The following PACRG variants were observed in gnomAD, a reference collection of about 807,000 sequenced individuals.
PACRG encodes the protein parkin coregulated gene protein.
A neutral mutation model predicts 29.7 loss-of-function variants in PACRG; 29 were observed. The ratio of observed to expected loss-of-function variants is 0.98; its 90% CI spans 0.73 to 1.33. PACRG has a LOEUF of 1.33. Ranked by LOEUF, PACRG falls within the 40% of genes most tolerant of loss-of-function variation. PACRG has a pLI of 0.00. For missense variants in PACRG, 279 were observed against 316.2 expected, an observed-to-expected ratio of 0.88 and a Z score of 0.89; for synonymous variants, 116 against 118.7, an observed-to-expected ratio of 0.98 and a Z score of 0.15.
intron 2 of PACRG, among the ~76,000 whole-genome samples, chr6:162,936,640 A>G (rs570693521): frequency 1.3e-5 from 2 of 152,260 alleles, no homozygotes; most frequent in South Asian, 2.1e-4. Context: ...TGTTTCCATT[A>G]TAATTTTATA....
chr6:162,749,376 T>C (rs925368499), intron 1 of PACRG, among the ~76,000 whole-genome samples: 1 of 152,206 alleles, frequency 6.6e-6, no homozygotes, highest in African/African-American at 2.4e-5. Flanking sequence ...AAGTTATTAA[T>C]GGCAATAACA....
At chr6:162,999,562 A>T (rs1804396239) in intron 2 of PACRG, among the ~76,000 whole-genome samples, 1 of 152,242 alleles carries the variant, frequency 6.6e-6, no homozygotes, top group Non-Finnish European at 1.5e-5. Flanking sequence ...ACACACAAAA[A>T]ATTCAGAAAC....
chr6:163,093,595 G>A (rs966209264), intron 4 of PACRG, among the ~76,000 whole-genome samples: 3 of 152,142 alleles, frequency 2.0e-5, no homozygotes, highest in Admixed American at 2.0e-4. Context: ...AGGGCTCTCC[G>A]ACAGGCCTGT....
At chr6:162,785,462 G>A (rs1362561844) in intron 1 of PACRG, among the ~76,000 whole-genome samples, 1 of 152,044 alleles carries the variant, frequency 6.6e-6, no homozygotes, top group Admixed American at 6.6e-5. Context: ...CAACTCCCAA[G>A]GGCCTGCACA....
chr6:162,889,303 C>T (rs1246845640), intron 2 of PACRG, among the ~76,000 whole-genome samples: 1 of 152,094 alleles, frequency 6.6e-6, no homozygotes, highest in East Asian at 1.9e-4. Context: ...TCTTTGAATG[C>T]CTCTTGCCAC....
intron 3 of PACRG, among the ~76,000 whole-genome samples, chr6:163,072,617 A>G (rs937307023): frequency 1.3e-5 from 2 of 152,130 alleles, no homozygotes; most frequent in African/African-American, 4.8e-5. Context: ...GGGCAATCAG[A>G]CAAGAGAAAG....
intron 2 of PACRG, among the ~76,000 whole-genome samples, chr6:162,825,934 T>C (rs1246988117): frequency 7.9e-6 from 1 of 125,970 alleles, no homozygotes; most frequent in East Asian, 2.1e-4. Context: ...TATGCATTTA[T>C]TTATTTTATT....
intron 2 of PACRG, among the ~76,000 whole-genome samples, chr6:162,967,602 T>A (rs7739647): frequency 6.6e-6 from 1 of 151,202 alleles, no homozygotes; most frequent in Non-Finnish European, 1.5e-5. Context: ...CGCCTCCCGG[T>A]TTCACGCCAT....
chr6:163,137,069 C>T (rs190543245), intron 4 of PACRG, among the ~76,000 whole-genome samples: 4 of 152,226 alleles, frequency 2.6e-5, no homozygotes, highest in Admixed American at 2.0e-4. Flanking sequence ...AAAATAAGCA[C>T]AGAGATTTTG....
At chr6:162,727,573 G>T (rs550065161), upstream of PACRG, 10 of 1,364,652 alleles carry the variant, frequency 7.3e-6, no homozygotes, top group South Asian at 1.2e-5. Context: ...AGTTGGCACC[G>T]GGGGTCCTGG....
chr6:162,869,739 A>G (rs1228551013), intron 2 of PACRG, among the ~76,000 whole-genome samples: 2 of 152,220 alleles, frequency 1.3e-5, no homozygotes, highest in Non-Finnish European at 2.9e-5. Flanking sequence ...TAAATTCATT[A>G]TCAATAATAC....
At chr6:163,035,690 T>C (rs1808107218) in intron 2 of PACRG, among the ~76,000 whole-genome samples, 2 of 148,658 alleles carry the variant, frequency 1.3e-5, no homozygotes, top group Non-Finnish European at 3.0e-5. Context: ...TGGTGGTGTG[T>C]GCCTGTAATC....
chr6:163,177,840 G>T (rs1455241344), intron 4 of PACRG, among the ~76,000 whole-genome samples: 2 of 144,316 alleles, frequency 1.4e-5, no homozygotes, highest in African/African-American at 2.6e-5. Context: ...CAGCACACAT[G>T]CTTCCAAACA....
At position 163,083,513 on chromosome 6, in the gene PACRG, G is replaced by A. The variant is rs117688896; in HGVS notation, c.464-5746G>A. Among the ~76,000 whole-genome samples, 602 of 152,242 alleles carry A rather than the reference G, an allele frequency of 4.0e-3. 12 individuals carry two copies. The East Asian group carries it at 0.062, about 16-fold the overall frequency. ...AACCACCTTGGGTACATGTCAGGAC[G>A]TCCTGAGGCTGTGTCAGGGGCGTGT... On this transcript the variant is annotated intron_variant, in intron 3 of 4. Coordinates refer to ENST00000366888, the MANE Select transcript of PACRG (RefSeq NM_001080379.2).
At chr6:162,870,006 T>C (rs1792662679) in intron 2 of PACRG, among the ~76,000 whole-genome samples, 1 of 152,212 alleles carries the variant, frequency 6.6e-6, no homozygotes, top group Non-Finnish European at 1.5e-5. Context: ...CTAATGGAGC[T>C]AGAAGACTCA....
chr6:162,801,481 G>A (rs1785868478), intron 1 of PACRG, among the ~76,000 whole-genome samples: 1 of 151,904 alleles, frequency 6.6e-6, no homozygotes, highest in Non-Finnish European at 1.5e-5. Flanking sequence ...AAAAAAAAAT[G>A]CATCATAAGT....
At chr6:163,164,619 A>G (rs537280800) in intron 4 of PACRG, among the ~76,000 whole-genome samples, 1 of 152,340 alleles carries the variant, frequency 6.6e-6, no homozygotes, top group African/African-American at 2.4e-5. Context: ...TGCGGGCTGG[A>G]TTGCAAAACT....
chr6:163,181,833 G>C (rs1407187467), intron 4 of PACRG, among the ~76,000 whole-genome samples: 2 of 152,102 alleles, frequency 1.3e-5, no homozygotes, highest in Non-Finnish European at 2.9e-5. Flanking sequence ...GCTCGGAATG[G>C]AAGGCTTCCA....
intron 4 of PACRG, among the ~76,000 whole-genome samples, chr6:163,254,071 A>G (rs1346722637): frequency 6.6e-6 from 1 of 152,216 alleles, no homozygotes; most frequent in Admixed American, 6.5e-5. Flanking sequence ...TGCTACCACC[A>G]GGGCCAGCCC....
Sources: gnomAD v4.1 joint callset for allele counts (sites outside exome capture counted in the v4.1 genomes callset) on GRCh38, gnomAD v4.1.1 for gene constraint, MANE v1.5 for transcripts, NCBI Gene and HGNC (gene_info 2026-07-23, HGNC 2026-07-21) for gene names.